Variants in MYO18B observed in about 807,000 individuals in gnomAD.
MYO18B encodes unconventional myosin-XVIIIb.
A neutral mutation model predicts 273.0 loss-of-function variants in MYO18B; 204 were observed. The observed-to-expected ratio is 0.75, with a 90% confidence interval of 0.67 to 0.84. The LOEUF (loss-of-function observed/expected upper bound fraction) is 0.84, where lower values mean the gene tolerates loss of function less well. MYO18B is among the 40% of genes least tolerant of loss of function. The pLI is 0.00. For synonymous variants in MYO18B, 1,330 were observed against 1,305.7 expected (o/e 1.02, Z -0.40); for missense variants, 3,212 against 3,287.6 (o/e 0.98, Z 0.56).
intron 34 of MYO18B, 29 bp downstream of exon 34, chr22:25,921,438 C>T (rs1299980888): frequency 1.3e-6 from 2 of 1,590,208 alleles, no homozygotes; most frequent in Non-Finnish European, 8.6e-7. Flanking sequence ...CCTTGAGAAT[C>T]AGGCTGGGGA....
In MYO18B at chr22:25,956,849, C is replaced by T. The variant is rs576589041; in HGVS notation, c.6156+1485C>T. 2.0e-5 allele frequency among the ~76,000 whole-genome samples: 3 copies of T among 152,292 alleles called. No homozygotes were observed. The East Asian group carries it at 5.8e-4, about 29-fold the overall frequency. ...TGAGAGGTCTTACCAACTTGTTCTT[C>T]CTGCAGCAAATATATTAATATGTCT... is the stretch of plus-strand genomic sequence containing the variant. On this transcript the variant is annotated intron_variant, in intron 39 of 43. Transcript: ENST00000335473.
At chr22:25,806,103 G>A (rs5761223) in intron 12 of MYO18B, among the ~76,000 whole-genome samples, 10,021 of 152,254 alleles carry the variant, frequency 0.066, 579 homozygotes, top group East Asian at 0.21. Flanking sequence ...TACATAGTAT[G>A]TGCTCAATAG....
chr22:26,022,009 A>G (rs1373066755), intron 42 of MYO18B, among the ~76,000 whole-genome samples: 1 of 152,134 alleles, frequency 6.6e-6, no homozygotes, highest in East Asian at 1.9e-4. Flanking sequence ...GGTATACCAG[A>G]AGGATATTCC....
chr22:25,814,065 C>T (rs1038219051), intron 12 of MYO18B, among the ~76,000 whole-genome samples: 2 of 152,090 alleles, frequency 1.3e-5, no homozygotes, highest in African/African-American at 4.8e-5. Context: ...AAAATACATG[C>T]TCAGAAGTGG....
Position 26,027,111 on chromosome 22 carries a change from A to G in MYO18B, c.7137A>G (p.Thr2379=). The change falls in exon 43 of 44, where the codon ACA becomes ACG. Residue 2379 remains threonine (T), a synonymous_variant. Coordinates refer to ENST00000335473, the MANE Select transcript of MYO18B (RefSeq NM_032608.7). The surrounding 1 kb of genome is among the most constrained non-coding windows in gnomAD (Gnocchi z 4.1). ...CCAGGGACATGCTGTTGTCGCCCAC[A>G]CTGCGTCCTCGGAGGCGGTGTCTGG... ...TTPRDMLLSP[T]LRPRRRCLES... is the part of the protein sequence containing the mutation. 6.2e-7 allele frequency: 1 copy of G among 1,613,960 alleles called. No homozygotes were observed. Among genetic ancestry groups the G allele is most frequent in the Non-Finnish European group, 8.5e-7 (1 of 1,179,878 alleles).
chr22:25,988,110 C>T (rs2093221594), intron 39 of MYO18B, among the ~76,000 whole-genome samples: 1 of 151,918 alleles, frequency 6.6e-6, no homozygotes, highest in Admixed American at 6.6e-5. Flanking sequence ...CTCCCGCCCA[C>T]TTCCTGTTTC....
chr22:25,823,417 T>G (rs1601805223), intron 12 of MYO18B, 88 bp from the exon 13 acceptor site: 5 of 1,390,172 alleles, frequency 3.6e-6, no homozygotes, highest in Non-Finnish European at 2.0e-6. Flanking sequence ...ATTGGGAGGG[T>G]GCTGAGATTC....
intron 30 of MYO18B, chr22:25,902,961 C>T: frequency 7.9e-6 from 4 of 505,508 alleles, no homozygotes; most frequent in South Asian, 6.4e-5. Context: ...GCTTCAGTTA[C>T]CTGCACAGGT....
At chr22:25,763,952 G>A (rs181443612) in intron 3 of MYO18B, among the ~76,000 whole-genome samples, 3 of 152,302 alleles carry the variant, frequency 2.0e-5, no homozygotes, top group Admixed American at 6.5e-5. Context: ...TGCATTGATT[G>A]TTAAAATATT....
intron 12 of MYO18B, among the ~76,000 whole-genome samples, chr22:25,814,356 T>C (rs1375423372): frequency 1.6e-5 from 2 of 126,532 alleles, no homozygotes; most frequent in Non-Finnish European, 3.2e-5. Context: ...GTTTCACTCT[T>C]GTTGCCAGGC....
intron 34 of MYO18B, among the ~76,000 whole-genome samples, chr22:25,935,591 GAA>G (rs1569209183): frequency 1.0e-4 from 7 of 69,232 alleles, no homozygotes; most frequent in Admixed American, 4.8e-4. Flanking sequence ...AAGGAGAAAA[GAA>G]GAGAAAAAAA....
rs200220352 is a variant in MYO18B, at chr22:25,823,605, C to T, written c.2622C>T (p.His874=). The part of the protein sequence containing the change: ...EELNTATFKH[H]LRQIIQQMTF... The stretch of plus-strand genomic sequence containing the variant: ...TGAACACGGCCACCTTCAAGCACCA[C>T]CTTCGACAGATCATCCAGCAAATGA... The change falls in exon 13 of 44, where the codon CAC becomes CAT. Residue 874 remains histidine (H), a synonymous_variant. Coordinates refer to ENST00000335473, the MANE Select transcript of MYO18B (RefSeq NM_032608.7). 1.1e-4 allele frequency: 170 copies of T among 1,613,988 alleles called. 3 individuals carry two copies. The South Asian group carries it at 1.2e-3, about 12-fold the overall frequency.
In MYO18B at chr22:25,890,764, C is replaced by T. The variant is rs2146278043; in HGVS notation, c.4323C>T (p.Asp1441=). The change falls in exon 26 of 44, where the codon GAC becomes GAT. Residue 1441 remains aspartate, a synonymous_variant. Coordinates refer to ENST00000335473, the MANE Select transcript of MYO18B (RefSeq NM_032608.7). ...NTDLLESKIA[D]LTSDLADERF... ...CCCATTCCCCATCTCAGATTGCTGA[C>T]TTGACCTCTGACCTTGCCGATGAGC... 2 of 1,613,922 alleles carry T rather than the reference C, an allele frequency of 1.2e-6. No individual in the cohort carries two copies. The highest frequency in any genetic ancestry group is 1.7e-5 in the Admixed American group (1 of 60,028).
chr22:25,744,178 C>A (rs1222419453), intron 1 of MYO18B, among the ~76,000 whole-genome samples: 1 of 152,200 alleles, frequency 6.6e-6, no homozygotes, highest in Non-Finnish European at 1.5e-5. Flanking sequence ...TAGGGTCTAA[C>A]TATCGCAAAG....
At chr22:25,947,493 C>CACAG (rs756135664) in intron 35 of MYO18B, among the ~76,000 whole-genome samples, 141 of 81,620 alleles carry the variant, frequency 1.7e-3, no homozygotes, top group African/African-American at 7.2e-3. Flanking sequence ...CTAATACACA[C>CACAG]ACACACACAC....
rs764350635 is a variant in MYO18B, at chr22:26,026,426, A to C, written c.6471-19A>C. The C allele has an allele frequency of 8.8e-6, 14 of 1,585,624 alleles. No homozygotes were observed. In the South Asian group the frequency reaches 1.6e-4, roughly 18 times the overall value. ...GAATTGCACAATTTCTACAGACTGC[A>C]TTTTTCTTCTTGGCACAGGATAAAC... On this transcript the variant is annotated intron_variant, in intron 42 of 43. Transcript: ENST00000335473.
intron 25 of MYO18B, among the ~76,000 whole-genome samples, chr22:25,881,311 A>G (rs779048988): frequency 4.1e-4 from 63 of 152,254 alleles, no homozygotes; most frequent in Admixed American, 6.5e-4. Flanking sequence ...CACAAGAGTT[A>G]AGAGAGGCTG....
At chr22:25,919,678 A>ATGTATG (rs1555945463) in intron 33 of MYO18B, among the ~76,000 whole-genome samples, 4 of 147,986 alleles carry the variant, frequency 2.7e-5, no homozygotes, top group African/African-American at 9.9e-5. Context: ...GTGTGTGTGT[A>ATGTATG]TGTGTGTGTG....
chr22:26,040,226 A>G, the MYO18B span, among the ~76,000 whole-genome samples: 1 of 152,160 alleles, frequency 6.6e-6, no homozygotes, highest in Non-Finnish European at 1.5e-5. Flanking sequence ...ATTCCATGGT[A>G]TAAAGATAAC....
Sources: allele counts gnomAD v4.1 joint callset (sites outside exome capture counted in the v4.1 genomes callset), GRCh38; gene constraint gnomAD v4.1.1; non-coding constraint Gnocchi (gnomAD v3.1); transcripts MANE v1.5; gene names NCBI Gene and HGNC (gene_info 2026-07-23, HGNC 2026-07-21).